Variants in SLCO1B3 observed in about 807,000 individuals in gnomAD.
The protein encoded by SLCO1B3 is liver-specific organic anion transporter 2.
SLCO1B3 carries 72 observed loss-of-function variants against 71.8 expected under a neutral mutation model. That is an observed-to-expected ratio of 1.00 (90% CI 0.83 to 1.22). The LOEUF (loss-of-function observed/expected upper bound fraction) is 1.22, where lower values mean the gene tolerates loss of function less well. Among genes scored for constraint, SLCO1B3 ranks in the 50% most tolerant of loss-of-function variants. The probability of loss-of-function intolerance (pLI) is 0.00; values close to 1 mark genes in which losing one functional copy is unlikely to be tolerated. For synonymous variants in SLCO1B3, 298 were observed against 278.4 expected (o/e 1.07, Z -0.70); for missense variants, 911 against 819.7 (o/e 1.11, Z -1.36).
chr12:20,885,641 C>A (rs1865779936), intron 13 of SLCO1B3, among the ~76,000 whole-genome samples: 1 of 151,652 alleles, frequency 6.6e-6, no homozygotes, highest in Non-Finnish European at 1.5e-5. Context: ...ACAAGCCATG[C>A]TAAATGAGGA....
intron 10 of SLCO1B3, among the ~76,000 whole-genome samples, chr12:20,878,313 G>A (rs972006107): frequency 6.6e-6 from 1 of 152,084 alleles, no homozygotes; most frequent in African/African-American, 2.4e-5. Context: ...TTCATGGACT[G>A]AAATAAGGCC....
intron 3 of SLCO1B3, among the ~76,000 whole-genome samples, chr12:20,849,332 C>G (rs924574368): frequency 8.6e-5 from 13 of 151,828 alleles, no homozygotes; most frequent in African/African-American, 3.1e-4. Flanking sequence ...TTACTAGATG[C>G]ATTTGACACA....
intron 15 of SLCO1B3, among the ~76,000 whole-genome samples, chr12:20,912,337 ATTTATTTATTTTG>A (rs1187395633): frequency 2.1e-5 from 3 of 142,680 alleles, no homozygotes; most frequent in Non-Finnish European, 4.6e-5. Context: ...TTATTTATTT[ATTTATTTATTTTG>A]AGACCGTCTT....
intron 15 of SLCO1B3, among the ~76,000 whole-genome samples, chr12:20,909,424 T>C (rs1025540183): frequency 2.9e-4 from 44 of 151,506 alleles, no homozygotes; most frequent in African/African-American, 9.5e-4. Context: ...CCGCCCGCCT[T>C]GGCCTCCCAA....
chr12:20,904,562 T>G (rs757279492), intron 15 of SLCO1B3, among the ~76,000 whole-genome samples: 6 of 151,938 alleles, frequency 3.9e-5, no homozygotes, highest in Non-Finnish European at 7.4e-5. Context: ...AGGCACACAG[T>G]GCAAGCTGTT....
intron 4 of SLCO1B3, among the ~76,000 whole-genome samples, chr12:20,857,258 T>C (rs1014096573): frequency 6.6e-6 from 1 of 152,154 alleles, no homozygotes; most frequent in African/African-American, 2.4e-5. Flanking sequence ...TCTACGTTAT[T>C]TCTGCTGGAC....
At chr12:20,817,753 A>AT in intron 3 of SLCO1B3, among the ~76,000 whole-genome samples, 1 of 148,384 alleles carries the variant, frequency 6.7e-6, no homozygotes, top group East Asian at 2.0e-4. Context: ...ACACCCAGCT[A>AT]ATTTTTTTTT....
chr12:20,863,019 G>T (rs144267255), intron 8 of SLCO1B3, among the ~76,000 whole-genome samples, 165 bp downstream of exon 8: 104 of 152,224 alleles, frequency 6.8e-4, no homozygotes, highest in African/African-American at 2.4e-3. Flanking sequence ...AAGAAATTTA[G>T]CTCCTATTTA....
At chr12:20,850,500 T>C (rs1865004628) in intron 3 of SLCO1B3, among the ~76,000 whole-genome samples, 1 of 151,964 alleles carries the variant, frequency 6.6e-6, no homozygotes, top group African/African-American at 2.4e-5. Flanking sequence ...GCCAGGATGG[T>C]CTCGATCTCC....
In SLCO1B3 at chr12:20,875,732, A is replaced by G. The variant is rs774205700; in HGVS notation, c.970+255A>G. ...CAAAGGCTACAAACATCTGTTGCTT[A>G]TAAGCCAGAGTATATATTCATTTTA... is the stretch of plus-strand genomic sequence containing the variant. On this transcript the variant is annotated intron_variant, in intron 9 of 15. Transcript: ENST00000381545. 3.8e-4 allele frequency among the ~76,000 whole-genome samples: 58 copies of G among 152,286 alleles called. 1 individual carries two copies. The highest frequency in any genetic ancestry group is 6.2e-4 in the Non-Finnish European group (42 of 68,008).
intron 13 of SLCO1B3, among the ~76,000 whole-genome samples, chr12:20,891,978 A>T (rs936759661): frequency 6.6e-6 from 1 of 151,996 alleles, no homozygotes; most frequent in African/African-American, 2.4e-5. Context: ...CTCAAGCTTT[A>T]CATAATCCCA....
intron 3 of SLCO1B3, among the ~76,000 whole-genome samples, chr12:20,827,658 A>G (rs147779227): frequency 6.5e-4 from 99 of 151,820 alleles, no homozygotes; most frequent in Non-Finnish European, 9.0e-4. Context: ...TGCAATCTGT[A>G]TCTCCTGGGT....
intron 3 of SLCO1B3, among the ~76,000 whole-genome samples, chr12:20,853,839 T>C (rs575713794): frequency 4.9e-4 from 75 of 152,124 alleles, no homozygotes; most frequent in African/African-American, 1.7e-3. Flanking sequence ...TTTCTTTCCT[T>C]AATATCAATT....
intron 15 of SLCO1B3, among the ~76,000 whole-genome samples, chr12:20,906,240 G>A (rs769716416): frequency 1.9e-4 from 29 of 152,022 alleles, no homozygotes; most frequent in Non-Finnish European, 3.8e-4. Context: ...ATAAAAGAAG[G>A]CAGTCCAAAA....
intron 3 of SLCO1B3, chr12:20,845,027 CAAA>C (rs36120748): frequency 0.53 from 101,172 of 190,278 alleles, 22,920 homozygotes; most frequent in Admixed American, 0.6. Flanking sequence ...AAGACTGTCT[CAAA>C]AAAAAAAAAA....
At chr12:20,873,358 T>TTTTTG (rs1228445038) in intron 8 of SLCO1B3, among the ~76,000 whole-genome samples, 20 of 151,994 alleles carry the variant, frequency 1.3e-4, no homozygotes, top group Non-Finnish European at 2.4e-4. Flanking sequence ...GTTGTTTTTG[T>TTTTTG]TTTTGTTTGT....
intron 3 of SLCO1B3, among the ~76,000 whole-genome samples, chr12:20,818,061 A>G (rs944831847): frequency 6.6e-6 from 1 of 152,048 alleles, no homozygotes; most frequent in Non-Finnish European, 1.5e-5. Context: ...AGGGATGAAA[A>G]GTTTTTTTGG....
In SLCO1B3 at chr12:20,861,126, A is replaced by T. The variant is rs779559994; in HGVS notation, c.469A>T (p.Ile157Leu). Reference sequence around the variant, plus strand: ...ATCATTCAATGGAACATCACCTGAGATAGTAGAAAAAGGTAAGAATTAATA... The same window carrying T: ...ATCATTCAATGGAACATCACCTGAGTTAGTAGAAAAAGGTAAGAATTAATA... ...TLSFNGTSPE[I>L]VEKDCVKESG... The change falls in exon 6 of 16, where the codon ATA (isoleucine) becomes TTA (leucine). Residue 157 changes from isoleucine (I) to leucine (L), a missense_variant. By Grantham distance (5) the Ile-to-Leu change is conservative (BLOSUM62 2). Transcript: ENST00000381545. 2 of 1,585,136 alleles carry T rather than the reference A, an allele frequency of 1.3e-6. No individual in the cohort carries two copies. The highest frequency in any genetic ancestry group is 1.4e-5 in the African/African-American group (1 of 73,406).
Position 20,811,148 on chromosome 12 carries a change from T to A in SLCO1B3, c.-181+384T>A, listed in dbSNP as rs955326364. Reference sequence around the variant, plus strand: ...TGAATTACTATACCAGGCTCCCTATTTCTTTGATTTCACTTTAACTGGATA... The same window carrying A: ...TGAATTACTATACCAGGCTCCCTATATCTTTGATTTCACTTTAACTGGATA... On this transcript the variant is annotated intron_variant, in intron 1 of 15. Coordinates refer to ENST00000381545, the MANE Select transcript of SLCO1B3 (RefSeq NM_019844.4). Among the ~76,000 whole-genome samples the A allele has an allele frequency of 3.9e-5, 6 of 152,300 alleles. No individual in the cohort carries two copies. In the South Asian group the frequency reaches 8.3e-4, roughly 21 times the overall value.
Sources: gnomAD v4.1 joint callset for allele counts (sites outside exome capture counted in the v4.1 genomes callset) on GRCh38, gnomAD v4.1.1 for gene constraint, MANE v1.5 for transcripts, NCBI Gene and HGNC (gene_info 2026-07-23, HGNC 2026-07-21) for gene names.